TMEM51: variants seen among roughly 807,000 people sequenced by gnomAD.
TMEM51 encodes chromosome 1 open reading frame 72.
A neutral mutation model predicts 13.6 loss-of-function variants in TMEM51; 8 were observed. The observed-to-expected ratio is 0.59, with a 90% CI of 0.35 to 1.07. The LOEUF is 1.07. Ranked by LOEUF, TMEM51 falls within the 50% of genes least tolerant of loss-of-function variation. The pLI, the probability that TMEM51 is intolerant of heterozygous loss-of-function variation, is 0.02. For missense variants in TMEM51, 279 were observed against 330.7 expected, an observed-to-expected ratio of 0.84 and a Z score of 1.21; for synonymous variants, 147 against 144.4, an observed-to-expected ratio of 1.02 and a Z score of -0.13.
chr1:15,207,594 C>T lies in TMEM51; in HGVS notation c.-266-2896C>T, dbSNP rs1644273077. Among the ~76,000 whole-genome samples the T allele has an allele frequency of 6.6e-6, 1 of 152,202 alleles. No individual in the cohort carries two copies. The highest frequency in any genetic ancestry group is 2.1e-4 in the South Asian group (1 of 4,824). ...CTGGAGCTGGGTCTACCTCCCTGGC[C>T]CCGACTCCTCCACACCCACTGCACA... is the stretch of plus-strand genomic sequence containing the variant. On this transcript the variant is annotated intron_variant, in intron 1 of 3. Transcript: ENST00000376008. The surrounding 1 kb of genome is among the most constrained non-coding windows in gnomAD (Gnocchi z 4.6).
At chr1:15,201,729 C>G (rs1298024037) in intron 1 of TMEM51, among the ~76,000 whole-genome samples, 4 of 152,090 alleles carry the variant, frequency 2.6e-5, no homozygotes, top group Non-Finnish European at 4.4e-5. Flanking sequence ...CGGCTCAATA[C>G]CAAAAGAGCT....
At chr1:15,155,888 AGTC>A (rs974293826) in intron 1 of TMEM51, among the ~76,000 whole-genome samples, 12 of 152,196 alleles carry the variant, frequency 7.9e-5, no homozygotes, top group African/African-American at 2.9e-4. Context: ...TAAGCAGGGA[AGTC>A]GTCTGATCCC....
intron 1 of TMEM51, among the ~76,000 whole-genome samples, chr1:15,173,001 T>G (rs982615909): frequency 6.6e-6 from 1 of 152,142 alleles, no homozygotes; most frequent in African/African-American, 2.4e-5. Flanking sequence ...CCCGAGGATA[T>G]GTACTCAGCT....
intron 1 of TMEM51, among the ~76,000 whole-genome samples, chr1:15,202,476 G>A (rs180704040): frequency 9.3e-4 from 141 of 152,252 alleles, no homozygotes; most frequent in South Asian, 8.1e-3. Context: ...AGTTTCATGG[G>A]TTAACATCAC....
At chr1:15,182,059 G>A (rs1643632592) in intron 1 of TMEM51, among the ~76,000 whole-genome samples, 1 of 152,028 alleles carries the variant, frequency 6.6e-6, no homozygotes, top group African/African-American at 2.4e-5. Context: ...TACTCGGGAG[G>A]CTGAGGCAGG....
At chr1:15,171,784 T>C (rs927740369) in intron 1 of TMEM51, among the ~76,000 whole-genome samples, 3 of 152,194 alleles carry the variant, frequency 2.0e-5, no homozygotes, top group Non-Finnish European at 2.9e-5. Flanking sequence ...CTACCACAGC[T>C]GATCAATCAG....
chr1:15,206,746 C>A (rs1644258138), intron 1 of TMEM51, among the ~76,000 whole-genome samples: 1 of 152,140 alleles, frequency 6.6e-6, no homozygotes, highest in South Asian at 2.1e-4. Context: ...TTCTTCTTAC[C>A]CTGCCTTGTG....
intron 1 of TMEM51, among the ~76,000 whole-genome samples, chr1:15,177,867 T>A (rs1193633616): frequency 6.6e-6 from 1 of 152,124 alleles, no homozygotes; most frequent in Non-Finnish European, 1.5e-5. Flanking sequence ...CGCTGTAGCA[T>A]AACAACCGCG....
chr1:15,173,774 C>A (rs551745893), intron 1 of TMEM51, among the ~76,000 whole-genome samples: 1 of 151,616 alleles, frequency 6.6e-6, no homozygotes, highest in African/African-American at 2.4e-5. Context: ...AACCTGGAAT[C>A]TTGGACATTT....
chr1:15,155,431 C>A (rs1162079259), intron 1 of TMEM51, among the ~76,000 whole-genome samples: 1 of 152,242 alleles, frequency 6.6e-6, no homozygotes, highest in Non-Finnish European at 1.5e-5. Context: ...GGATGATGAT[C>A]TCCAAGGGCG....
chr1:15,192,456 T>C lies in TMEM51; in HGVS notation c.-266-18034T>C, dbSNP rs899236582. The stretch of plus-strand genomic sequence containing the variant: ...TTTCTTTCTTTCTTTCTTTCTTTTC[T>C]TTTCCTTTTTTTTTATGACAGAATC... On this transcript the variant is annotated intron_variant, in intron 1 of 3. Coordinates refer to ENST00000376008, the MANE Select transcript of TMEM51 (RefSeq NM_001136218.2). 5.0e-4 allele frequency: 103 copies of C among 206,430 alleles called. 2 individuals carry two copies. The East Asian group carries it at 5.7e-3, about 12-fold the overall frequency. 12.8% of individuals were successfully genotyped at this position (206,430 alleles called of 1,614,324 possible).
rs145021168 is a variant in TMEM51 at position 15,219,738 on chromosome 1, G to C, written c.757G>C (p.Asp253His). The change falls in exon 4 of 4, where the codon GAC becomes CAC. Residue 253 changes from aspartate to histidine, a missense_variant. Physicochemically the swap from Asp to His is moderately conservative, Grantham distance 81 (BLOSUM62 -1). Coordinates refer to ENST00000376008, the MANE Select transcript of TMEM51 (RefSeq NM_001136218.2). ...QEKAPDTRPP[D>H] The stretch of plus-strand genomic sequence containing the variant: ...GAAGGCCCCCGACACCCGGCCGCCC[G>C]ACTGAATGGCCCCACTTGAGCCACG... 1.9e-5 allele frequency: 30 copies of C among 1,612,348 alleles called. No homozygotes were observed. Among genetic ancestry groups the C allele is most frequent in the Non-Finnish European group, 2.5e-5 (30 of 1,179,310 alleles).
Position 15,219,876 on chromosome 1 carries a change from CGGGG to C in TMEM51, c.*138_*141del. 1.0e-6 allele frequency: 1 copy of C among 965,602 alleles called. No homozygotes were observed. Among genetic ancestry groups the C allele is most frequent in the Non-Finnish European group, 1.5e-6 (1 of 668,220 alleles). The allele number at this position is 965,602 out of a possible 1,614,324, so 59.8% of individuals were successfully genotyped here. Reference sequence around the variant, plus strand: ...ATGGAGCCATTTGGATGGCGGCGGGCGGGGGGGGATTCTCTGTATCAGGAGTGAC... The same window carrying C: ...ATGGAGCCATTTGGATGGCGGCGGGCGGGGATTCTCTGTATCAGGAGTGAC... On this transcript the variant is annotated 3_prime_UTR_variant, in exon 4 of 4. Coordinates refer to ENST00000376008, the MANE Select transcript of TMEM51 (RefSeq NM_001136218.2).
In TMEM51 at chr1:15,168,796, G is replaced by A. The variant is rs764515608; in HGVS notation, c.-267+14842G>A. ...CTTCAGGCTGAAAAATATTCAAGAA[G>A]AGTTTAGGGGAATTCCTGGGAGTCA... On this transcript the variant is annotated intron_variant, in intron 1 of 3. Coordinates refer to ENST00000376008, the MANE Select transcript of TMEM51 (RefSeq NM_001136218.2). 10 of 1,291,256 alleles carry A rather than the reference G, an allele frequency of 7.7e-6. No individual in the cohort carries two copies. The African/African-American group carries it at 1.5e-4, about 20-fold the overall frequency. 80.0% of individuals were successfully genotyped at this position (1,291,256 alleles called of 1,614,324 possible). A position where few individuals can be genotyped will look rare whatever the true frequency, so the allele number is the denominator to read the frequency against.
chr1:15,183,206 A>G (rs890396064), intron 1 of TMEM51, among the ~76,000 whole-genome samples: 1 of 152,242 alleles, frequency 6.6e-6, no homozygotes, highest in African/African-American at 2.4e-5. Context: ...CATTTACCAA[A>G]AAAGCACACA....
chr1:15,167,501 T>A (rs954686632), intron 1 of TMEM51, among the ~76,000 whole-genome samples: 5 of 151,530 alleles, frequency 3.3e-5, no homozygotes, highest in Non-Finnish European at 7.4e-5. Context: ...CTATAAACAT[T>A]CAGAGGTTTT....
chr1:15,174,973 C>T (rs1015036531), intron 1 of TMEM51, among the ~76,000 whole-genome samples: 2 of 152,210 alleles, frequency 1.3e-5, no homozygotes, highest in African/African-American at 4.8e-5. Flanking sequence ...TTTGGATGGA[C>T]ACAAATATTC....
chr1:15,160,465 G>A (rs1642738796), intron 1 of TMEM51, among the ~76,000 whole-genome samples: 1 of 151,904 alleles, frequency 6.6e-6, no homozygotes, highest in African/African-American at 2.4e-5. Context: ...ATAGAGATAG[G>A]GTTTCACCAT....
At chr1:15,197,576 C>T (rs115685663) in intron 1 of TMEM51, among the ~76,000 whole-genome samples, 200 of 152,300 alleles carry the variant, frequency 1.3e-3, no homozygotes, top group African/African-American at 4.7e-3. Context: ...TACTGAGGCT[C>T]TCTCCAAAAG....
Sources: allele counts gnomAD v4.1 joint callset (sites outside exome capture counted in the v4.1 genomes callset), GRCh38; gene constraint gnomAD v4.1.1; non-coding constraint Gnocchi (gnomAD v3.1); transcripts MANE v1.5; gene names NCBI Gene and HGNC (gene_info 2026-07-23, HGNC 2026-07-21).